The following ACER3 variants were observed in gnomAD, a reference collection of about 807,000 sequenced individuals.
ACER3 encodes alkCDase 3.
A neutral mutation model predicts 48.9 loss-of-function variants in ACER3; 16 were observed. That is an observed-to-expected ratio of 0.33 (90% CI 0.22 to 0.50). The LOEUF is 0.50. Ranked by LOEUF, ACER3 falls within the 20% of genes least tolerant of loss-of-function variation. The probability of loss-of-function intolerance (pLI) is 0.98; values close to 1 mark genes in which losing one functional copy is unlikely to be tolerated. For missense variants in ACER3, 227 were observed against 326.0 expected (o/e 0.70, Z 2.34); for synonymous variants, 109 against 107.8 (o/e 1.01, Z -0.07).
At chr11:76,961,061 A>C (rs1439790877) in intron 3 of ACER3, among the ~76,000 whole-genome samples, 1 of 152,152 alleles carries the variant, frequency 6.6e-6, no homozygotes, top group Non-Finnish European at 1.5e-5. Context: ...CCCAGCACCA[A>C]GTGTTGGAGC....
intron 1 of ACER3, among the ~76,000 whole-genome samples, chr11:76,896,243 A>C (rs1463051082): frequency 6.6e-6 from 1 of 152,212 alleles, no homozygotes; most frequent in Non-Finnish European, 1.5e-5. Context: ...ATCTTTACAC[A>C]GGTACTATTC....
At chr11:77,006,908 A>G (rs2135293329) in intron 7 of ACER3, among the ~76,000 whole-genome samples, 1 of 152,206 alleles carries the variant, frequency 6.6e-6, no homozygotes, top group African/African-American at 2.4e-5. Flanking sequence ...CCAGGAGTTC[A>G]AGACCAGACT....
chr11:76,995,329 C>T (rs1354651164), intron 6 of ACER3, among the ~76,000 whole-genome samples: 3 of 152,234 alleles, frequency 2.0e-5, no homozygotes, highest in African/African-American at 7.2e-5. Context: ...TGGTTTATAT[C>T]CTCACTTCAT....
At chr11:76,964,911 C>T (rs1201768935) in intron 3 of ACER3, among the ~76,000 whole-genome samples, 2 of 151,290 alleles carry the variant, frequency 1.3e-5, no homozygotes, top group Non-Finnish European at 2.9e-5. Context: ...GCCTGTCCTC[C>T]TCCAAAGGAA....
chr11:77,014,943 T>C, intron 7 of ACER3, 73 bp from the exon 8 acceptor site: 1 of 904,602 alleles, frequency 1.1e-6, no homozygotes. Context: ...AGGAAGAAAG[T>C]GATGGCTTCA....
chr11:76,933,787 G>A (rs2134867534), intron 2 of ACER3, among the ~76,000 whole-genome samples: 1 of 152,368 alleles, frequency 6.6e-6, no homozygotes, highest in Non-Finnish European at 1.5e-5. Flanking sequence ...CGTTCTCAAT[G>A]AGCTGTTGGG....
chr11:76,902,303 CTT>C (rs1946101251), intron 1 of ACER3, among the ~76,000 whole-genome samples: 1 of 152,162 alleles, frequency 6.6e-6, no homozygotes, highest in African/African-American at 2.4e-5. Flanking sequence ...CATATAATGA[CTT>C]TGCTTTTTCT....
At chr11:76,906,503 A>G (rs1266364970) in intron 1 of ACER3, among the ~76,000 whole-genome samples, 1 of 152,092 alleles carries the variant, frequency 6.6e-6, no homozygotes, top group East Asian at 1.9e-4. Context: ...CCCATTCCCT[A>G]GTTCCCTGCC....
intron 1 of ACER3, among the ~76,000 whole-genome samples, chr11:76,880,909 A>G (rs1945506792): frequency 6.6e-6 from 1 of 152,016 alleles, no homozygotes; most frequent in Admixed American, 6.6e-5. Context: ...GGGCTTTGAG[A>G]CATAATTAGT....
intron 1 of ACER3, among the ~76,000 whole-genome samples, chr11:76,898,995 GT>G (rs955669466): frequency 1.3e-4 from 20 of 149,806 alleles, no homozygotes; most frequent in Non-Finnish European, 2.5e-4. Context: ...CTATTTAAAG[GT>G]TTTTTCAACA....
At position 77,026,633 on chromosome 11, in the gene ACER3, G is replaced by A. The variant is rs982319044; in HGVS notation, c.*6306G>A. ...AACTATTTTCAGGTAATCTCAGTCT[G>A]CTTATTCACTTTTTCCATTTGATTT... On this transcript the variant is annotated 3_prime_UTR_variant, in exon 11 of 11. Coordinates refer to ENST00000532485, the MANE Select transcript of ACER3 (RefSeq NM_018367.7). The A allele has an allele frequency of 1.3e-5, 2 of 152,050 alleles. No individual in the cohort carries two copies. Among genetic ancestry groups the A allele is most frequent in the African/African-American group, 2.4e-5 (1 of 41,384 alleles). The allele number at this position is 152,050 out of a possible 1,614,324, so 9.4% of individuals were successfully genotyped here. A position where few individuals can be genotyped will look rare whatever the true frequency, so the allele number is the denominator to read the frequency against.
intron 4 of ACER3, among the ~76,000 whole-genome samples, chr11:76,979,390 C>G (rs536054575): frequency 6.6e-6 from 1 of 152,344 alleles, no homozygotes; most frequent in Admixed American, 6.5e-5. Context: ...GAATGCCCAT[C>G]TAGCTGCTAT....
At chr11:76,912,594 A>G (rs1019330914) in intron 1 of ACER3, among the ~76,000 whole-genome samples, 1 of 152,074 alleles carries the variant, frequency 6.6e-6, no homozygotes, top group African/African-American at 2.4e-5. Context: ...AGACAATGAC[A>G]TATTGTTTTT....
intron 1 of ACER3, among the ~76,000 whole-genome samples, chr11:76,901,270 TA>T (rs35531620): frequency 0.025 from 3,682 of 146,066 alleles, 134 homozygotes; most frequent in African/African-American, 0.087. Context: ...GTCCAACATT[TA>T]AAAAAAAAAA....
intron 1 of ACER3, among the ~76,000 whole-genome samples, chr11:76,907,167 A>G (rs905893960): frequency 3.3e-5 from 5 of 152,310 alleles, no homozygotes; most frequent in Admixed American, 2.6e-4. Context: ...ATCACTTTAA[A>G]GTGAATCCCT....
At chr11:76,870,231 A>G (rs1179973363) in intron 1 of ACER3, among the ~76,000 whole-genome samples, 1 of 151,108 alleles carries the variant, frequency 6.6e-6, no homozygotes, top group South Asian at 2.1e-4. Context: ...TCCTGGGCTC[A>G]AGTGATCCTC....
intron 2 of ACER3, among the ~76,000 whole-genome samples, chr11:76,935,352 A>G (rs1041584975): frequency 9.9e-5 from 15 of 152,182 alleles, no homozygotes; most frequent in African/African-American, 3.6e-4. Context: ...ACAACTTTCT[A>G]GAAATGAAAA....
intron 1 of ACER3, among the ~76,000 whole-genome samples, chr11:76,871,552 T>C (rs1189118311): frequency 1.3e-5 from 2 of 152,204 alleles, no homozygotes; most frequent in African/African-American, 4.8e-5. Context: ...ATTATTTAAA[T>C]CCCTGGAATC....
chr11:76,989,125 A>C (rs1185262723), intron 5 of ACER3, among the ~76,000 whole-genome samples: 2 of 152,140 alleles, frequency 1.3e-5, no homozygotes, highest in Non-Finnish European at 2.9e-5. Flanking sequence ...AATGGAAATT[A>C]GTATTTTGAA....
Sources: allele counts gnomAD v4.1 joint callset (sites outside exome capture counted in the v4.1 genomes callset), GRCh38; gene constraint gnomAD v4.1.1; transcripts MANE v1.5; gene names NCBI Gene and HGNC (gene_info 2026-07-23, HGNC 2026-07-21).